HDAC9: variants seen among roughly 807,000 people sequenced by gnomAD.
The protein encoded by HDAC9 is histone deacetylase 9, also known as MEF-2 interacting transcription repressor (MITR) protein.
A neutral mutation model predicts 139.4 loss-of-function variants in HDAC9; 41 were observed. The ratio of observed to expected loss-of-function variants is 0.29; its 90% CI spans 0.23 to 0.38. The LOEUF (loss-of-function observed/expected upper bound fraction) is 0.38. HDAC9 is among the 10% of genes least tolerant of loss of function. HDAC9 has a pLI of 1.00. For synonymous variants in HDAC9, 517 were observed against 476.2 expected (o/e 1.09, Z -1.12); for missense variants, 1,147 against 1,297.0 (o/e 0.88, Z 1.78).
At chr7:18,787,791 C>T (rs890751360) in intron 16 of HDAC9, among the ~76,000 whole-genome samples, 4 of 152,186 alleles carry the variant, frequency 2.6e-5, no homozygotes, top group Admixed American at 2.6e-4. Context: ...TTCCCATGCT[C>T]CCTCAGATGT....
At chr7:18,853,091 G>C (rs1485773139) in intron 21 of HDAC9, among the ~76,000 whole-genome samples, 1 of 152,110 alleles carries the variant, frequency 6.6e-6, no homozygotes, top group Non-Finnish European at 1.5e-5. Flanking sequence ...TAGTCCCTGA[G>C]TCGGCCTGGC....
intron 12 of HDAC9, among the ~76,000 whole-genome samples, chr7:18,674,376 A>C (rs1394292599): frequency 1.3e-5 from 2 of 152,074 alleles, no homozygotes; most frequent in East Asian, 1.9e-4. Flanking sequence ...AGAGAGCTAC[A>C]GTCTTCATAA....
chr7:18,505,634 T>C (rs1388709409), intron 2 of HDAC9, among the ~76,000 whole-genome samples: 3 of 152,182 alleles, frequency 2.0e-5, no homozygotes. Flanking sequence ...ATATGTTCTG[T>C]AGGTGGCTTA....
chr7:18,549,642 A>G (rs1816420892), intron 2 of HDAC9, among the ~76,000 whole-genome samples: 1 of 152,192 alleles, frequency 6.6e-6, no homozygotes, highest in Admixed American at 6.5e-5. Context: ...ATTATATAAG[A>G]TGTAACCATT....
At chr7:18,923,943 T>C (rs1161462436) in intron 22 of HDAC9, among the ~76,000 whole-genome samples, 1 of 152,120 alleles carries the variant, frequency 6.6e-6, no homozygotes, top group Non-Finnish European at 1.5e-5. Flanking sequence ...AATGATTTTT[T>C]TAATGGCAGG....
intron 2 of HDAC9, among the ~76,000 whole-genome samples, chr7:18,199,416 A>G (rs1790947561): frequency 6.6e-6 from 1 of 152,102 alleles, no homozygotes. Context: ...TCTTAGTTCC[A>G]TTTGTATAAT....
chr7:18,766,793 A>C (rs1789867540), intron 15 of HDAC9, among the ~76,000 whole-genome samples: 1 of 152,196 alleles, frequency 6.6e-6, no homozygotes, highest in South Asian at 2.1e-4. Context: ...TAATATAGAC[A>C]TGGAGACCAA....
chr7:18,984,681 A>G (rs1174714149), intron 25 of HDAC9, among the ~76,000 whole-genome samples: 1 of 152,170 alleles, frequency 6.6e-6, no homozygotes, highest in East Asian at 1.9e-4. Context: ...AATGGGAGAG[A>G]AAGAAGTCCA....
intron 25 of HDAC9, among the ~76,000 whole-genome samples, chr7:18,989,987 C>G (rs1785734330): frequency 6.6e-6 from 1 of 151,922 alleles, no homozygotes; most frequent in South Asian, 2.1e-4. Context: ...AACTTCTTTG[C>G]CTTTCGTTTG....
intron 16 of HDAC9, among the ~76,000 whole-genome samples, chr7:18,779,260 A>T (rs1234904596): frequency 6.6e-6 from 1 of 151,978 alleles, no homozygotes. Flanking sequence ...CCATTTCAAG[A>T]CTCTCAGGGT....
intron 12 of HDAC9, among the ~76,000 whole-genome samples, chr7:18,699,563 A>G (rs1035773045): frequency 1.3e-5 from 2 of 152,192 alleles, no homozygotes; most frequent in Non-Finnish European, 2.9e-5. Context: ...ATATCATACA[A>G]TTCCATCTAT....
In HDAC9 at chr7:18,303,375, TTGTGTGTGTGTGTGTG is replaced by T. The variant is rs71014320; in HGVS notation, c.-42+12894_-42+12909del. ...GCACCCACCGCCACGCCCAGCCAAT[TTGTGTGTGTGTGTGTG>T]TGTGTGTGTGTGTGTGTGTGTGTGT... is the stretch of plus-strand genomic sequence containing the variant. On this transcript the variant is annotated intron_variant, in intron 1 of 3. Coordinates refer to the HDAC9 transcript ENST00000413509. Among the ~76,000 whole-genome samples, 129 of 127,790 alleles carry T rather than the reference TTGTGTGTGTGTGTGTG, an allele frequency of 1.0e-3. 1 individual carries two copies. Among genetic ancestry groups the T allele is most frequent in the South Asian group, 9.4e-3 (32 of 3,410 alleles). 83.8% of individuals were successfully genotyped at this position (127,790 alleles called of 152,430 possible). A position where few individuals can be genotyped will look rare whatever the true frequency, so the allele number is the denominator to read the frequency against.
Position 18,590,540 on chromosome 7 carries a change from A to G in HDAC9, c.415+54A>G. On this transcript the variant is annotated intron_variant, in intron 4 of 25. Transcript: ENST00000686413. Reference sequence around the variant, plus strand: ...TCTCTTTCCTCATCGTTAGCTGATCATTATTCAGAACAAAGCCTGATAAAG... The same window carrying G: ...TCTCTTTCCTCATCGTTAGCTGATCGTTATTCAGAACAAAGCCTGATAAAG... The G allele has an allele frequency of 2.6e-6, 4 of 1,521,408 alleles. No individual in the cohort carries two copies. The South Asian group carries it at 4.9e-5, about 19-fold the overall frequency. 94.2% of individuals were successfully genotyped at this position (1,521,408 alleles called of 1,614,324 possible).
chr7:18,311,126 G>A (rs1162341989), intron 1 of HDAC9, among the ~76,000 whole-genome samples: 2 of 151,654 alleles, frequency 1.3e-5, no homozygotes, highest in Admixed American at 6.6e-5. Context: ...GACAAAAATA[G>A]GTTACTGTTT....
intron 12 of HDAC9, among the ~76,000 whole-genome samples, chr7:18,716,095 C>A (rs969486076): frequency 1.3e-5 from 2 of 152,206 alleles, no homozygotes; most frequent in African/African-American, 4.8e-5. Context: ...AGAGATCCAT[C>A]TTATTCAAAC....
At chr7:18,330,707 A>C (rs1800854247) in intron 1 of HDAC9, among the ~76,000 whole-genome samples, 1 of 151,700 alleles carries the variant, frequency 6.6e-6, no homozygotes, top group South Asian at 2.1e-4. Context: ...TTTATCCCAG[A>C]GTGAATTTTT....
At chr7:18,232,151 A>G (rs1793503854) in intron 2 of HDAC9, among the ~76,000 whole-genome samples, 1 of 152,142 alleles carries the variant, frequency 6.6e-6, no homozygotes, top group Admixed American at 6.6e-5. Flanking sequence ...CTTACACTGA[A>G]ATAACTGCCC....
chr7:18,322,039 T>A (rs755261047), intron 1 of HDAC9, among the ~76,000 whole-genome samples: 22 of 152,196 alleles, frequency 1.4e-4, no homozygotes, highest in Admixed American at 5.2e-4. Flanking sequence ...AGCTCCCATG[T>A]CACTCGGCCT....
intron 12 of HDAC9, among the ~76,000 whole-genome samples, chr7:18,672,689 T>A (rs1795736972): frequency 6.6e-6 from 1 of 152,052 alleles, no homozygotes; most frequent in South Asian, 2.1e-4. Flanking sequence ...AATATAAATT[T>A]AGCACTTAAC....
Sources: gnomAD v4.1 joint callset for allele counts (sites outside exome capture counted in the v4.1 genomes callset) on GRCh38, gnomAD v4.1.1 for gene constraint, MANE v1.5 for transcripts, NCBI Gene and HGNC (gene_info 2026-07-23, HGNC 2026-07-21) for gene names.